SNX24: variants seen among roughly 807,000 people sequenced by gnomAD.
The protein encoded by SNX24 is sorting nexin 24, also known as sorting nexin-24.
Under a neutral mutation model 28.7 loss-of-function variants are expected in SNX24, and 22 were observed. The ratio of observed to expected loss-of-function variants is 0.77; its 90% CI spans 0.55 to 1.10. The LOEUF is 1.10. Ranked by LOEUF, SNX24 falls within the 50% of genes least tolerant of loss-of-function variation. The pLI is 0.00. For synonymous variants in SNX24, 69 were observed against 71.5 expected, an observed-to-expected ratio of 0.96 and a Z score of 0.18; for missense variants, 221 against 201.1, an observed-to-expected ratio of 1.10 and a Z score of -0.60.
At chr5:122,868,589 C>T (rs972248963) in intron 1 of SNX24, among the ~76,000 whole-genome samples, 2 of 152,048 alleles carry the variant, frequency 1.3e-5, no homozygotes, top group Admixed American at 6.6e-5. Context: ...ATCATATGGC[C>T]GAAGTGGCAG....
At chr5:122,977,006 C>G (rs984201350) in intron 3 of SNX24, among the ~76,000 whole-genome samples, 1 of 151,838 alleles carries the variant, frequency 6.6e-6, no homozygotes, top group Non-Finnish European at 1.5e-5. Context: ...CATTACCATT[C>G]TTATTACTGG....
intron 1 of SNX24, among the ~76,000 whole-genome samples, chr5:122,913,982 C>T (rs1255064975): frequency 1.3e-5 from 2 of 152,202 alleles, no homozygotes; most frequent in African/African-American, 2.4e-5. Context: ...TGGCGGCGCG[C>T]ACCTGCAATC....
intron 1 of SNX24, among the ~76,000 whole-genome samples, chr5:122,881,966 G>C (rs1581700930): frequency 6.7e-6 from 1 of 148,706 alleles, no homozygotes; most frequent in Non-Finnish European, 1.5e-5. Flanking sequence ...AATTTTGTTT[G>C]TTGGATTTTT....
chr5:122,891,323 T>TA, intron 1 of SNX24, among the ~76,000 whole-genome samples: 1 of 152,288 alleles, frequency 6.6e-6, no homozygotes, highest in Admixed American at 6.5e-5. Flanking sequence ...AGTGTTAAAT[T>TA]AAAAAAGCAA....
intron 5 of SNX24, among the ~76,000 whole-genome samples, chr5:123,015,766 A>G (rs2150185701): frequency 6.6e-6 from 1 of 152,168 alleles, no homozygotes; most frequent in Non-Finnish European, 1.5e-5. Context: ...TTAAAAAAGA[A>G]AAAAAAACAC....
chr5:122,888,913 G>A (rs1276659494), intron 1 of SNX24, among the ~76,000 whole-genome samples: 5 of 152,098 alleles, frequency 3.3e-5, no homozygotes, highest in African/African-American at 9.7e-5. Context: ...GTGCAGTGGC[G>A]TGATCTCAGC....
At chr5:122,899,815 C>T (rs550622229) in intron 1 of SNX24, among the ~76,000 whole-genome samples, 2 of 152,300 alleles carry the variant, frequency 1.3e-5, no homozygotes, top group Non-Finnish European at 2.9e-5. Flanking sequence ...CCTCCCAAGG[C>T]AGTGTATGCT....
intron 3 of SNX24, chr5:122,965,618 G>C: frequency 3.3e-6 from 1 of 306,244 alleles, no homozygotes; most frequent in South Asian, 2.9e-5. Context: ...TGACGAAATG[G>C]ATGGGGATGG....
At chr5:122,902,182 G>A (rs1231864555) in intron 1 of SNX24, among the ~76,000 whole-genome samples, 2 of 152,180 alleles carry the variant, frequency 1.3e-5, no homozygotes, top group Admixed American at 6.5e-5. Context: ...CTCATAGGCT[G>A]TACCCTGCTG....
chr5:122,874,826 T>C (rs1216873019), intron 1 of SNX24, among the ~76,000 whole-genome samples: 1 of 152,224 alleles, frequency 6.6e-6, no homozygotes, highest in Non-Finnish European at 1.5e-5. Context: ...ATAAATGCTC[T>C]GAGTCTTGGC....
At chr5:122,874,602 G>C (rs557963801) in intron 1 of SNX24, among the ~76,000 whole-genome samples, 1 of 152,220 alleles carries the variant, frequency 6.6e-6, no homozygotes, top group Non-Finnish European at 1.5e-5. Flanking sequence ...TTCTGGTACT[G>C]AGCTACACAG....
chr5:122,862,872 C>G (rs1341571039), intron 1 of SNX24, among the ~76,000 whole-genome samples: 2 of 151,962 alleles, frequency 1.3e-5, no homozygotes, highest in Non-Finnish European at 2.9e-5. Context: ...TTTGAAACAA[C>G]CTTCCCACTT....
At chr5:122,969,871 A>G (rs1169554715) in intron 3 of SNX24, among the ~76,000 whole-genome samples, 1 of 151,984 alleles carries the variant, frequency 6.6e-6, no homozygotes, top group Non-Finnish European at 1.5e-5. Context: ...TTCAGGCATT[A>G]TTATTCTTTG....
intron 2 of SNX24, among the ~76,000 whole-genome samples, chr5:122,939,331 AG>A (rs1365279536): frequency 6.6e-6 from 1 of 152,186 alleles, no homozygotes; most frequent in African/African-American, 2.4e-5. Flanking sequence ...TTGTTTTAAT[AG>A]GTGTTTCTTA....
chr5:122,855,720 A>G (rs1465339699), intron 1 of SNX24, among the ~76,000 whole-genome samples: 5 of 152,242 alleles, frequency 3.3e-5, no homozygotes, highest in Admixed American at 3.3e-4. Context: ...CAGTGTTCAC[A>G]GCATCTTCAT....
chr5:122,918,689 T>C (rs1758290742), intron 1 of SNX24, among the ~76,000 whole-genome samples: 1 of 152,218 alleles, frequency 6.6e-6, no homozygotes, highest in Admixed American at 6.5e-5. Context: ...GGTGATGATC[T>C]AATTTAACAT....
At chr5:122,901,401 C>T (rs953112631) in intron 1 of SNX24, among the ~76,000 whole-genome samples, 1 of 152,008 alleles carries the variant, frequency 6.6e-6, no homozygotes, top group Non-Finnish European at 1.5e-5. Context: ...AATTTATAGG[C>T]TATGTGAATA....
At position 122,950,304 on chromosome 5, in the gene SNX24, A is replaced by G. The variant is rs3756359; in HGVS notation, c.249+4145A>G. Among the ~76,000 whole-genome samples, 3 of 152,346 alleles carry G rather than the reference A, an allele frequency of 2.0e-5. No homozygotes were observed. In the East Asian group the frequency reaches 5.8e-4, roughly 29 times the overall value. Reference sequence around the variant, plus strand: ...AGTTAATATTTGATATTAATTTACCAATAAAGGTTGTATGTGTGTGTGTTT... The same window carrying G: ...AGTTAATATTTGATATTAATTTACCGATAAAGGTTGTATGTGTGTGTGTTT... On this transcript the variant is annotated intron_variant, in intron 3 of 6. Coordinates refer to ENST00000261369, the MANE Select transcript of SNX24 (RefSeq NM_014035.4).
intron 1 of SNX24, among the ~76,000 whole-genome samples, chr5:122,863,948 T>C (rs1755603303): frequency 6.6e-6 from 1 of 152,148 alleles, no homozygotes; most frequent in African/African-American, 2.4e-5. Flanking sequence ...CTTTGGGAAG[T>C]AGGAGGCAGA....
Sources: gnomAD v4.1 joint callset for allele counts (sites outside exome capture counted in the v4.1 genomes callset) on GRCh38, gnomAD v4.1.1 for gene constraint, MANE v1.5 for transcripts, NCBI Gene and HGNC (gene_info 2026-07-23, HGNC 2026-07-21) for gene names.